Variants in EVL observed in about 807,000 individuals in gnomAD.
EVL encodes ena/VASP-like protein.
EVL carries 21 observed loss-of-function variants against 59.6 expected under a neutral mutation model. That is an observed-to-expected ratio of 0.35 (90% confidence interval 0.25 to 0.51). The LOEUF (loss-of-function observed/expected upper bound fraction) is 0.51, where lower values mean the gene tolerates loss of function less well. Among genes scored for constraint, EVL ranks in the 20% least tolerant of loss-of-function variants. The pLI is 0.97. For synonymous variants in EVL, 198 were observed against 203.5 expected (o/e 0.97, Z 0.23); for missense variants, 462 against 546.6 (o/e 0.85, Z 1.54).
At chr14:100,026,167 T>G (rs1415546524) in intron 1 of EVL, among the ~76,000 whole-genome samples, 3 of 150,428 alleles carry the variant, frequency 2.0e-5, no homozygotes, top group African/African-American at 7.3e-5. Context: ...GAGAGGATCA[T>G]CTGAGCTCAG....
Position 100,037,100 on chromosome 14 carries a change from G to T in EVL, c.6-47587G>T, listed in dbSNP as rs565780177. Among the ~76,000 whole-genome samples, 5 of 152,278 alleles carry T rather than the reference G, an allele frequency of 3.3e-5. No individual in the cohort carries two copies. In the South Asian group the frequency reaches 1.0e-3, roughly 32 times the overall value. ...CAAAACTGTGAGAAAATACATTGCT[G>T]CTGTTAAGCTGCCCAGTCTGTGGTA... is the stretch of plus-strand genomic sequence containing the variant. On this transcript the variant is annotated intron_variant, in intron 1 of 13. Coordinates refer to the EVL transcript ENST00000402714.
rs1050441324 is a variant in EVL at position 99,972,678 on chromosome 14, G to C, written c.5+621G>C. 2.6e-5 allele frequency among the ~76,000 whole-genome samples: 4 copies of C among 152,112 alleles called. No individual in the cohort carries two copies. Among genetic ancestry groups the C allele is most frequent in the Non-Finnish European group, 5.9e-5 (4 of 68,030 alleles). ...CTCGTTGATGTATCACCCAGCTCGG[G>C]AGCCTGCTGATTATCAGGCCAAGAA... On this transcript the variant is annotated intron_variant, in intron 1 of 13. Transcript: ENST00000402714. The surrounding 1 kb of genome is among the most constrained non-coding windows in gnomAD (Gnocchi z 4.4).
At chr14:100,080,617 G>A (rs899454069) in intron 1 of EVL, among the ~76,000 whole-genome samples, 5 of 152,282 alleles carry the variant, frequency 3.3e-5, no homozygotes, top group African/African-American at 1.2e-4. Context: ...GATTATATGG[G>A]CCCCACAAAT....
At chr14:100,076,906 G>A (rs1595139095) in intron 1 of EVL, among the ~76,000 whole-genome samples, 1 of 152,176 alleles carries the variant, frequency 6.6e-6, no homozygotes, top group African/African-American at 2.4e-5. Context: ...TGCCACATGG[G>A]GTCAGGTGCT....
chr14:100,127,935 C>T lies in EVL; in HGVS notation c.488-584C>T, dbSNP rs1888182611. Among the ~76,000 whole-genome samples the T allele has an allele frequency of 6.6e-6, 1 of 152,216 alleles. No individual in the cohort carries two copies. The highest frequency in any genetic ancestry group is 6.5e-5 in the Admixed American group (1 of 15,286). ...AGCTTGTGGCTGGTTTTCCTCAGCA[C>T]CATACCCAGCACCTAGCACAGTGCC... On this transcript the variant is annotated intron_variant, in intron 5 of 13. Coordinates refer to ENST00000392920, the MANE Select transcript of EVL (RefSeq NM_016337.3). The surrounding 1 kb of genome is among the most constrained non-coding windows in gnomAD (Gnocchi z 4.2).
chr14:100,106,014 T>G (rs974779324), intron 3 of EVL: 15 of 152,272 alleles, frequency 9.9e-5, no homozygotes, highest in African/African-American at 3.4e-4. Context: ...ACGTTTTGTC[T>G]TCTTTGTAGG....
chr14:100,132,186 G>A (rs1255316330), intron 7 of EVL, among the ~76,000 whole-genome samples: 2 of 151,182 alleles, frequency 1.3e-5, no homozygotes, highest in African/African-American at 4.9e-5. Flanking sequence ...AGGGCGTCAC[G>A]TGGACCTATT....
chr14:100,122,691 C>T (rs186771959), intron 3 of EVL, among the ~76,000 whole-genome samples: 11 of 152,306 alleles, frequency 7.2e-5, no homozygotes, highest in South Asian at 2.1e-4. Context: ...CCAGTCACTG[C>T]GACTCTCTGC....
Position 100,022,305 on chromosome 14 carries a change from TCA to T in EVL, c.5+50250_5+50251del, listed in dbSNP as rs796806824. Among the ~76,000 whole-genome samples the T allele has an allele frequency of 7.2e-4, 102 of 141,924 alleles. 1 individual carries two copies. The highest frequency in any genetic ancestry group is 2.6e-3 in the African/African-American group (97 of 37,722). The allele number at this position is 141,924 out of a possible 152,430, so 93.1% of individuals were successfully genotyped here. On this transcript the variant is annotated intron_variant, in intron 1 of 13. Transcript: ENST00000402714. Reference sequence around the variant, plus strand: ...TTTTTTTTTTTTTTTGGAGACAGACTCACTCTCTGTCACCCGGGCTGGAGTGC... The same window carrying T: ...TTTTTTTTTTTTTTTGGAGACAGACTCTCTCTGTCACCCGGGCTGGAGTGC...
chr14:100,050,794 GTGAAATAGTA>G (rs981667686), intron 1 of EVL, among the ~76,000 whole-genome samples: 2 of 144,126 alleles, frequency 1.4e-5, no homozygotes, highest in Non-Finnish European at 3.0e-5. Context: ...CCAGGCTGAA[GTGAAATAGTA>G]AGATCATAGC....
At chr14:99,981,526 T>C (rs1428059933) in intron 1 of EVL, among the ~76,000 whole-genome samples, 1 of 152,208 alleles carries the variant, frequency 6.6e-6, no homozygotes, top group Non-Finnish European at 1.5e-5. Context: ...TTTTCCCCTT[T>C]AAAGAGAATA....
chr14:100,061,279 G>A (rs2061824442), upstream of EVL, among the ~76,000 whole-genome samples: 2 of 151,306 alleles, frequency 1.3e-5, no homozygotes, highest in South Asian at 4.2e-4. Context: ...ACCAGACATG[G>A]TGGCACATGT....
intron 9 of EVL, among the ~76,000 whole-genome samples, chr14:100,136,351 C>T (rs1888786138): frequency 6.6e-6 from 1 of 152,216 alleles, no homozygotes; most frequent in Admixed American, 6.5e-5. Context: ...TCATGTCTCC[C>T]AGTGAAACGC....
intron 1 of EVL, among the ~76,000 whole-genome samples, chr14:100,015,078 G>C (rs1325192762): frequency 6.6e-6 from 1 of 152,126 alleles, no homozygotes; most frequent in Non-Finnish European, 1.5e-5. Context: ...TCCTTATTTT[G>C]CTTCACGTCC....
At position 100,052,644 on chromosome 14, in the gene EVL, T is replaced by C. The variant is rs955269649; in HGVS notation, c.6-32043T>C. 2.0e-5 allele frequency among the ~76,000 whole-genome samples: 3 copies of C among 151,976 alleles called. 1 individual carries two copies. In the East Asian group the frequency reaches 5.8e-4, roughly 29 times the overall value. ...GGTGTGCACCTGTAGCCCCAGCTAC[T>C]TGGGAGGCTGAGGTAGGAGAATCTC... On this transcript the variant is annotated intron_variant, in intron 1 of 13. Coordinates refer to the EVL transcript ENST00000402714.
Position 100,114,630 on chromosome 14 carries a change from C to T in EVL, c.359-8909C>T, listed in dbSNP as rs947416967. 1.3e-5 allele frequency: 2 copies of T among 152,352 alleles called. No homozygotes were observed. Among genetic ancestry groups the T allele is most frequent in the Admixed American group, 6.5e-5 (1 of 15,288 alleles). 9.4% of individuals were successfully genotyped at this position (152,352 alleles called of 1,614,324 possible). A position where few individuals can be genotyped will look rare whatever the true frequency, so the allele number is the denominator to read the frequency against. On this transcript the variant is annotated intron_variant, in intron 3 of 13. Coordinates refer to ENST00000392920, the MANE Select transcript of EVL (RefSeq NM_016337.3). This position sits in a 1 kb window ranked among gnomAD's most constrained non-coding sequence, Gnocchi z 5.0. ...TACGAGAGGTGCCCCCGGCCTGTGC[C>T]GCGGAGCCCTGCCCGTGATGGTCAG...
In EVL at chr14:100,000,103, T is replaced by G. The variant is rs533600235; in HGVS notation, c.5+28046T>G. ...ATATCTGAGATAGGTCTCAGTTAAT[T>G]TAGAAAGTTTGTTTTGCCAAGGTTG... On this transcript the variant is annotated intron_variant, in intron 1 of 13. Coordinates refer to the EVL transcript ENST00000402714. 2.6e-5 allele frequency among the ~76,000 whole-genome samples: 4 copies of G among 152,300 alleles called. No homozygotes were observed. In the South Asian group the frequency reaches 8.3e-4, roughly 32 times the overall value.
chr14:100,008,460 A>G (rs117387597), intron 1 of EVL, among the ~76,000 whole-genome samples: 4,080 of 152,198 alleles, frequency 0.027, 81 homozygotes, highest in Non-Finnish European at 0.042. Flanking sequence ...ATATTAATGA[A>G]ATCTCTGAAA....
chr14:100,022,742 G>A (rs2061147583), intron 1 of EVL, among the ~76,000 whole-genome samples: 1 of 152,198 alleles, frequency 6.6e-6, no homozygotes, highest in Non-Finnish European at 1.5e-5. Flanking sequence ...ACCTTAATGA[G>A]CAGTTGGTAC....
Sources: allele counts gnomAD v4.1 joint callset (sites outside exome capture counted in the v4.1 genomes callset), GRCh38; gene constraint gnomAD v4.1.1; non-coding constraint Gnocchi (gnomAD v3.1); transcripts MANE v1.5; gene names NCBI Gene and HGNC (gene_info 2026-07-23, HGNC 2026-07-21).